Variants in TMEM245 observed in about 807,000 individuals in gnomAD.
TMEM245 encodes transmembrane protein 245.
Under a neutral mutation model 101.2 loss-of-function variants are expected in TMEM245, and 69 were observed. The ratio of observed to expected loss-of-function variants is 0.68; its 90% CI spans 0.56 to 0.83. The LOEUF (loss-of-function observed/expected upper bound fraction) is 0.83, where lower values mean the gene tolerates loss of function less well. Among genes scored for constraint, TMEM245 ranks in the 40% least tolerant of loss-of-function variants. The pLI is 0.00. For synonymous variants in TMEM245, 537 were observed against 449.8 expected, an observed-to-expected ratio of 1.19 and a Z score of -2.45; for missense variants, 1,075 against 1,092.8, an observed-to-expected ratio of 0.98 and a Z score of 0.23.
chr9:109,115,056 A>G (rs975337357), intron 1 of TMEM245, among the ~76,000 whole-genome samples: 2 of 152,202 alleles, frequency 1.3e-5, no homozygotes, highest in Non-Finnish European at 2.9e-5. Flanking sequence ...GAAGAAAAAC[A>G]TAGGTCCAGG....
rs140866198 is a variant in TMEM245 at position 109,030,056 on chromosome 9, G to A, written c.2594+3251C>T. ...GAATACTGATCTAACCAGTATCACCGTTTGTTTTGGGGGAATGGGTAGTGA... is the reference window on the plus strand; with the variant it reads ...GAATACTGATCTAACCAGTATCACCATTTGTTTTGGGGGAATGGGTAGTGA... On this transcript the variant is annotated intron_variant, in intron 17 of 17. Coordinates refer to ENST00000374586, the MANE Select transcript of TMEM245 (RefSeq NM_032012.4). 6.8e-4 allele frequency among the ~76,000 whole-genome samples: 104 copies of A among 152,276 alleles called. 2 individuals carry two copies. The highest frequency in any genetic ancestry group is 2.3e-3 in the African/African-American group (96 of 41,556).
chr9:109,061,295 AAC>A (rs796587027), intron 10 of TMEM245, among the ~76,000 whole-genome samples: 67 of 152,284 alleles, frequency 4.4e-4, no homozygotes, highest in African/African-American at 1.4e-3. Context: ...CAGCCTGAGT[AAC>A]AGAGTAAGAC....
intron 14 of TMEM245, among the ~76,000 whole-genome samples, chr9:109,048,196 T>A (rs769528523): frequency 6.6e-6 from 1 of 152,164 alleles, no homozygotes; most frequent in African/African-American, 2.4e-5. Flanking sequence ...GCATTTTTTT[T>A]AATCCCACTT....
At position 109,019,012 on chromosome 9, in the gene TMEM245, TG is replaced by T. The variant is rs940397052; in HGVS notation, c.*1447del. The T allele has an allele frequency of 6.7e-6, 1 of 148,504 alleles. No individual in the cohort carries two copies. The highest frequency in any genetic ancestry group is 1.5e-5 in the Non-Finnish European group (1 of 67,984). The allele number at this position is 148,504 out of a possible 1,614,324, so 9.2% of individuals were successfully genotyped here. A position where few individuals can be genotyped will look rare whatever the true frequency, so the allele number is the denominator to read the frequency against. ...CACCCACCTCAGCCTTCCAAAGTGC[TG>T]GGATTACAGATGTGAGCCACCACCT... On this transcript the variant is annotated 3_prime_UTR_variant, in exon 18 of 18. Transcript: ENST00000374586.
chr9:109,027,787 G>C (rs781500312), intron 17 of TMEM245, among the ~76,000 whole-genome samples: 1 of 152,096 alleles, frequency 6.6e-6, no homozygotes, highest in Non-Finnish European at 1.5e-5. Context: ...CTGGGTTCAA[G>C]TGATTCTCCT....
chr9:109,061,297 C>T (rs1292866774), intron 10 of TMEM245, among the ~76,000 whole-genome samples: 1 of 151,932 alleles, frequency 6.6e-6, no homozygotes, highest in Non-Finnish European at 1.5e-5. Flanking sequence ...GCCTGAGTAA[C>T]AGAGTAAGAC....
chr9:109,118,464 A>T (rs1475811734), intron 1 of TMEM245, among the ~76,000 whole-genome samples: 1 of 152,262 alleles, frequency 6.6e-6, no homozygotes, highest in Non-Finnish European at 1.5e-5. Context: ...TCTCCAGTTA[A>T]ATATGTGGAT....
At chr9:109,058,689 T>C (rs975616086) in intron 11 of TMEM245, among the ~76,000 whole-genome samples, 1 of 152,090 alleles carries the variant, frequency 6.6e-6, no homozygotes, top group African/African-American at 2.4e-5. Flanking sequence ...CATAGCTCAC[T>C]GCAGCCTCCA....
At chr9:109,056,476 TGTGGTGG>T (rs1261861306) in intron 12 of TMEM245, among the ~76,000 whole-genome samples, 1 of 125,904 alleles carries the variant, frequency 7.9e-6, no homozygotes, top group Non-Finnish European at 1.6e-5. Flanking sequence ...ATTAGCTGGG[TGTGGTGG>T]GGCATGCCCG....
At chr9:109,028,734 C>T (rs1441239337) in intron 17 of TMEM245, among the ~76,000 whole-genome samples, 1 of 152,170 alleles carries the variant, frequency 6.6e-6, no homozygotes, top group Non-Finnish European at 1.5e-5. Context: ...TACTCTCCCG[C>T]TGGCCTTAAA....
At chr9:109,099,037 T>C (rs189284598) in intron 3 of TMEM245, among the ~76,000 whole-genome samples, 1 of 152,332 alleles carries the variant, frequency 6.6e-6, no homozygotes, top group African/African-American at 2.4e-5. Flanking sequence ...CCATTCTTTT[T>C]CACAGGGATA....
At chr9:109,076,907 T>C (rs1291276076) in intron 8 of TMEM245, among the ~76,000 whole-genome samples, 1 of 152,062 alleles carries the variant, frequency 6.6e-6, no homozygotes. Flanking sequence ...TTGCCCAGGC[T>C]GGTCTCAAAC....
chr9:109,081,497 T>C (rs1281734004), intron 7 of TMEM245, among the ~76,000 whole-genome samples: 3 of 152,146 alleles, frequency 2.0e-5, no homozygotes, highest in Non-Finnish European at 2.9e-5. Context: ...AAAAATCTAA[T>C]GTTAAGGCAA....
chr9:109,057,309 G>C lies in TMEM245; in HGVS notation c.1736C>G (p.Ser579Cys). ...HSWFVKNVTH[S>C]GRHKGQKLHV... ...CAACTTCTGTCCTTTGTGCCTTCCA[G>C]AGTGTGTTACATTCTATGGAATAAA... The change falls in exon 12 of 18, where the codon TCT becomes TGT. Residue 579 changes from serine (S) to cysteine (C), a missense_variant. Physicochemically the swap from Ser to Cys is moderately radical, Grantham distance 112. Coordinates refer to ENST00000374586, the MANE Select transcript of TMEM245 (RefSeq NM_032012.4). 6.2e-7 allele frequency: 1 copy of C among 1,614,024 alleles called. No individual in the cohort carries two copies. The highest frequency in any genetic ancestry group is 8.5e-7 in the Non-Finnish European group (1 of 1,179,924).
intron 2 of TMEM245, among the ~76,000 whole-genome samples, chr9:109,108,152 A>T (rs1179141244): frequency 6.6e-6 from 1 of 152,140 alleles, no homozygotes; most frequent in Non-Finnish European, 1.5e-5. Flanking sequence ...TTGACTGCTT[A>T]TCTATATCTT....
intron 6 of TMEM245, 89 bp from the exon 7 acceptor site, chr9:109,086,109 A>C (rs371523385): frequency 7.1e-7 from 1 of 1,403,790 alleles, no homozygotes; most frequent in African/African-American, 1.4e-5. Flanking sequence ...AAGAAAAGGA[A>C]AGCATGAGAA....
chr9:109,084,049 A>G (rs1829762918), intron 7 of TMEM245, among the ~76,000 whole-genome samples: 1 of 150,612 alleles, frequency 6.6e-6, no homozygotes, highest in African/African-American at 2.4e-5. Context: ...GCTGCACTCC[A>G]GCCTGGGTGA....
intron 17 of TMEM245, among the ~76,000 whole-genome samples, chr9:109,023,481 T>G (rs534510625): frequency 6.6e-6 from 1 of 152,200 alleles, no homozygotes; most frequent in African/African-American, 2.4e-5. Flanking sequence ...CAGTATTCTT[T>G]CTCAAATTAT....
rs759199569 is a variant in TMEM245, at chr9:109,087,224, C to T, written c.1269G>A (p.Ala423=). Residue 423 remains alanine (A), a synonymous_variant, in exon 6 of 18, where the codon GCG becomes GCA. Coordinates refer to ENST00000374586, the MANE Select transcript of TMEM245 (RefSeq NM_032012.4). The stretch of plus-strand genomic sequence containing the variant: ...TTCCAAGCCCGACAATGGGCCAAGG[C>T]GCGAGAGCTCCCTGCCGCTCCTTCA... ...SFLKERQGAL[A]PWPIVGLGKF... is the part of the protein sequence containing the mutation. 1.5e-5 allele frequency: 24 copies of T among 1,613,420 alleles called. No individual in the cohort carries two copies. Among genetic ancestry groups the T allele is most frequent in the African/African-American group, 9.4e-5 (7 of 74,858 alleles).
Sources: allele counts gnomAD v4.1 joint callset (sites outside exome capture counted in the v4.1 genomes callset), GRCh38; gene constraint gnomAD v4.1.1; transcripts MANE v1.5; gene names NCBI Gene and HGNC (gene_info 2026-07-23, HGNC 2026-07-21).